The following KIAA1671 variants were observed in gnomAD, a reference collection of about 807,000 sequenced individuals.
KIAA1671 encodes uncharacterized protein KIAA1671.
Under a neutral mutation model 131.2 loss-of-function variants are expected in KIAA1671, and 52 were observed. The ratio of observed to expected loss-of-function variants is 0.40; its 90% confidence interval spans 0.32 to 0.50. The LOEUF (loss-of-function observed/expected upper bound fraction) is 0.50. Among genes scored for constraint, KIAA1671 ranks in the 20% least tolerant of loss-of-function variants. The pLI, the probability that KIAA1671 is intolerant of heterozygous loss-of-function variation, is 0.73. For missense variants in KIAA1671, 2,360 were observed against 2,364.2 expected, an observed-to-expected ratio of 1.00 and a Z score of 0.04; for synonymous variants, 1,003 against 961.6, an observed-to-expected ratio of 1.04 and a Z score of -0.80.
chr22:25,131,922 G>A (rs1932459191), intron 6 of KIAA1671, among the ~76,000 whole-genome samples: 1 of 152,248 alleles, frequency 6.6e-6, no homozygotes, highest in Admixed American at 6.5e-5. Flanking sequence ...ATTGACACGA[G>A]TTGATGGGTG....
intron 1 of KIAA1671, among the ~76,000 whole-genome samples, chr22:24,972,314 C>G (rs1646346572): frequency 6.6e-6 from 1 of 152,198 alleles, no homozygotes; most frequent in Non-Finnish European, 1.5e-5. Context: ...GATCTGCATT[C>G]AGGACCCTGT....
chr22:24,996,231 G>A lies in KIAA1671; in HGVS notation c.-207-29402G>A, dbSNP rs546525298. On this transcript the variant is annotated intron_variant, in intron 1 of 12. Transcript: ENST00000358431. The stretch of plus-strand genomic sequence containing the variant: ...GTGTCTCGGTGGAGGGCTCCCTCTC[G>A]GACTCAGAGGCACATTTTAGAGCTT... Among the ~76,000 whole-genome samples, 25 of 150,950 alleles carry A rather than the reference G, an allele frequency of 1.7e-4. No homozygotes were observed. In the East Asian group the frequency reaches 2.9e-3, roughly 18 times the overall value.
chr22:25,029,420 A>G lies in KIAA1671; in HGVS notation c.1421A>G (p.Lys474Arg). Residue 474 changes from lysine (K) to arginine (R), a missense_variant, in exon 3 of 13, where the codon AAA becomes AGA. Physicochemically the swap from Lys to Arg is conservative, Grantham distance 26. Around this residue, in one of 3 missense-constraint regions of KIAA1671, gnomAD observed 1,185 missense variants for 1,126.2 expected, o/e 1.05. Transcript: ENST00000358431. ...CCATCGGCGGCACCAGAGCCGGAGA[A>G]AGGGGTTGTGAGCGTTCAGGAACGG... ...ASPSAAPEPE[K>R]GVVSVQERIR... 1.5e-5 allele frequency: 23 copies of G among 1,551,422 alleles called. No homozygotes were observed. The highest frequency in any genetic ancestry group is 1.9e-5 in the Non-Finnish European group (22 of 1,146,858).
intron 6 of KIAA1671, among the ~76,000 whole-genome samples, chr22:25,145,468 A>G (rs1932863104): frequency 6.6e-6 from 1 of 152,158 alleles, no homozygotes; most frequent in South Asian, 2.1e-4. Flanking sequence ...GTGTAGGAAC[A>G]TTTGGGATTG....
In KIAA1671 at chr22:25,159,360, T is replaced by TA. The variant is rs1473499911; in HGVS notation, c.4531-11459dup. Among the ~76,000 whole-genome samples the TA allele has an allele frequency of 4.6e-5, 7 of 152,098 alleles. No homozygotes were observed. The East Asian group carries it at 1.3e-3, about 29-fold the overall frequency. The stretch of plus-strand genomic sequence containing the variant: ...CTGCAGAGCTGGGGCTGCGGATCAT[T>TA]ATGCGATGTAGGACCTTCCCCGGGG... On this transcript the variant is annotated intron_variant, in intron 6 of 12. Coordinates refer to ENST00000358431, the MANE Select transcript of KIAA1671 (RefSeq NM_001145206.2).
chr22:25,035,339 G>T (rs1467004872), intron 4 of KIAA1671, among the ~76,000 whole-genome samples: 2 of 152,162 alleles, frequency 1.3e-5, no homozygotes, highest in African/African-American at 4.8e-5. Flanking sequence ...GAGCCACCGC[G>T]TCCGGCCAGG....
Position 25,032,776 on chromosome 22 carries a change from C to A in KIAA1671, c.1629+80C>A, listed in dbSNP as rs999911977. 74 of 836,524 alleles carry A rather than the reference C, an allele frequency of 8.8e-5. No individual in the cohort carries two copies. In the African/African-American group the frequency reaches 9.7e-4, roughly 11 times the overall value. The allele number at this position is 836,524 out of a possible 1,614,324, so 51.8% of individuals were successfully genotyped here. ...CTGGAGAAAGAGCCTCCATGATCTT[C>A]TAGGCCCCAGGAAGACTCAGAAACA... On this transcript the variant is annotated intron_variant, in intron 4 of 12. Transcript: ENST00000358431.
At chr22:24,984,445 A>T (rs1923407364) in intron 1 of KIAA1671, among the ~76,000 whole-genome samples, 1 of 152,208 alleles carries the variant, frequency 6.6e-6, no homozygotes, top group Non-Finnish European at 1.5e-5. Context: ...CTGGGTGTCC[A>T]GGGCACGGGA....
intron 6 of KIAA1671, among the ~76,000 whole-genome samples, chr22:25,079,449 A>G (rs1929284836): frequency 6.6e-6 from 1 of 152,138 alleles, no homozygotes; most frequent in Non-Finnish European, 1.5e-5. Context: ...GTTGTATAGT[A>G]TGTCAGGAGG....
At position 25,171,027 on chromosome 22, in the gene KIAA1671, C is replaced by G. The variant is rs73882020; in HGVS notation, c.4649+89C>G. The G allele has an allele frequency of 3.7e-3, 3,586 of 966,348 alleles. 87 individuals carry two copies. The African/African-American group carries it at 0.048, about 13-fold the overall frequency. 59.9% of individuals were successfully genotyped at this position (966,348 alleles called of 1,614,324 possible). ...CACCCACCTCCTGATTTCTATATTG[C>G]TAAAACCTCCAGTCTGTAATTATAA... is the stretch of plus-strand genomic sequence containing the variant. On this transcript the variant is annotated intron_variant, in intron 7 of 12. Coordinates refer to ENST00000358431, the MANE Select transcript of KIAA1671 (RefSeq NM_001145206.2).
chr22:25,043,512 T>C (rs1465402963), intron 5 of KIAA1671, among the ~76,000 whole-genome samples: 4 of 152,156 alleles, frequency 2.6e-5, no homozygotes, highest in Non-Finnish European at 5.9e-5. Flanking sequence ...TAGGAGACCA[T>C]TCTGGTGAAG....
intron 1 of KIAA1671, among the ~76,000 whole-genome samples, chr22:25,009,329 A>G (rs1924907443): frequency 7.5e-6 from 1 of 134,028 alleles, no homozygotes; most frequent in Non-Finnish European, 1.5e-5. Context: ...CAGTGGAGCA[A>G]TCTTGGCTCA....
intron 1 of KIAA1671, among the ~76,000 whole-genome samples, chr22:25,000,769 C>T (rs1014073357): frequency 6.6e-6 from 1 of 151,312 alleles, no homozygotes; most frequent in East Asian, 1.9e-4. Context: ...CCGCCTGCCT[C>T]GGCCTCCGGA....
chr22:24,980,863 C>T (rs537679530), intron 1 of KIAA1671, among the ~76,000 whole-genome samples: 3 of 151,774 alleles, frequency 2.0e-5, no homozygotes, highest in Non-Finnish European at 4.4e-5. Context: ...TCTCCTGCCT[C>T]AGCCTCCTGA....
intron 5 of KIAA1671, among the ~76,000 whole-genome samples, chr22:25,047,227 T>A (rs758543737): frequency 1.3e-3 from 194 of 150,662 alleles, no homozygotes; most frequent in African/African-American, 4.6e-3. Context: ...CTCGGCTCAC[T>A]GCAACCTCCA....
intron 6 of KIAA1671, among the ~76,000 whole-genome samples, chr22:25,100,669 G>A (rs1405969217): frequency 2.6e-5 from 4 of 152,324 alleles, no homozygotes; most frequent in South Asian, 2.1e-4. Flanking sequence ...ACCTGTCAAC[G>A]AGGCAGTAGG....
intron 1 of KIAA1671, among the ~76,000 whole-genome samples, chr22:24,969,028 T>C (rs540320805): frequency 1.2e-4 from 18 of 152,142 alleles, no homozygotes; most frequent in Admixed American, 1.0e-3. Context: ...ACCTCCTGAG[T>C]AGCTGGGACT....
rs772718760 is a variant in KIAA1671 at position 25,181,841 on chromosome 22, A to G, written c.5199+18A>G. On this transcript the variant is annotated intron_variant, in intron 10 of 12. Coordinates refer to ENST00000358431, the MANE Select transcript of KIAA1671 (RefSeq NM_001145206.2). ...TGCTAAAGGTACCAGACCTCTCACC[A>G]AGAGTCACCTGGTGGGCATGATCCT... 8.4e-6 allele frequency: 13 copies of G among 1,549,428 alleles called. No individual in the cohort carries two copies. The South Asian group carries it at 1.3e-4, about 16-fold the overall frequency.
intron 6 of KIAA1671, among the ~76,000 whole-genome samples, chr22:25,091,350 A>G (rs5752057): frequency 0.37 from 56,512 of 151,986 alleles, 10,781 homozygotes; most frequent in Middle Eastern, 0.45. Flanking sequence ...GAGCCACCGT[A>G]CCTGGCCTGG....
Sources: gnomAD v4.1 joint callset for allele counts (sites outside exome capture counted in the v4.1 genomes callset) on GRCh38, gnomAD v4.1.1 for gene constraint, gnomAD v4.1.1 regional missense constraint, MANE v1.5 for transcripts, NCBI Gene and HGNC (gene_info 2026-07-23, HGNC 2026-07-21) for gene names.